The following CORO2A variants were observed in gnomAD, a reference collection of about 807,000 sequenced individuals.
CORO2A encodes the protein coronin-2A.
CORO2A carries 47 observed loss-of-function variants against 62.4 expected under a neutral mutation model. That is an observed-to-expected ratio of 0.75 (90% CI 0.60 to 0.96). The LOEUF is 0.96. Among genes scored for constraint, CORO2A ranks in the 40% least tolerant of loss-of-function variants. The pLI is 0.00. For missense variants in CORO2A, 610 were observed against 684.1 expected, an observed-to-expected ratio of 0.89 and a Z score of 1.21; for synonymous variants, 273 against 268.9, an observed-to-expected ratio of 1.02 and a Z score of -0.15.
At chr9:98,174,821 A>C (rs1828087199) in intron 1 of CORO2A, among the ~76,000 whole-genome samples, 3 of 152,088 alleles carry the variant, frequency 2.0e-5, no homozygotes, top group Admixed American at 1.3e-4. Flanking sequence ...TTCCTTTATA[A>C]ATTACCCAGT....
intron 1 of CORO2A, among the ~76,000 whole-genome samples, chr9:98,177,711 T>G (rs1828126621): frequency 6.7e-6 from 1 of 150,178 alleles, no homozygotes; most frequent in African/African-American, 2.5e-5. Flanking sequence ...TCAGGTGATC[T>G]CCAAACTTTT....
chr9:98,154,352 T>TATATATATATATATAC (rs71369555), intron 2 of CORO2A, among the ~76,000 whole-genome samples: 2,897 of 91,934 alleles, frequency 0.032, 74 homozygotes, highest in East Asian at 0.052. Context: ...TATATATATA[T>TATATATATATATATAC]ACACAAATAC....
chr9:98,144,528 G>A (rs1294943214), intron 2 of CORO2A, among the ~76,000 whole-genome samples: 1 of 152,154 alleles, frequency 6.6e-6, no homozygotes, highest in Non-Finnish European at 1.5e-5. Flanking sequence ...GCAGAGATGC[G>A]GTACTCACAA....
chr9:98,136,475 C>T (rs1303163267), intron 3 of CORO2A, among the ~76,000 whole-genome samples: 1 of 152,268 alleles, frequency 6.6e-6, no homozygotes, highest in African/African-American at 2.4e-5. Flanking sequence ...GCCTTGGCTG[C>T]CAGGTAGCTC....
chr9:98,126,775 T>TG lies in CORO2A; in HGVS notation c.1219dup (p.His407ProfsTer64). The TG allele has an allele frequency of 6.2e-7, 1 of 1,614,100 alleles. No individual in the cohort carries two copies. The highest frequency in any genetic ancestry group is 8.5e-7 in the Non-Finnish European group (1 of 1,180,022). On this transcript the variant is annotated frameshift_variant, in exon 11 of 12. Transcript: ENST00000375077. LOFTEE classifies it high-confidence loss of function. ...GATAGGTCTCTCTGCAGGCAGTGGGTGGGGTCTCAGCAGCTCAGAGCCAGG... is the reference window on the plus strand; with the variant it reads ...GATAGGTCTCTCTGCAGGCAGTGGGTGGGGGTCTCAGCAGCTCAGAGCCAGG...
intron 3 of CORO2A, among the ~76,000 whole-genome samples, 164 bp downstream of exon 3, chr9:98,137,408 C>A (rs1000457815): frequency 6.6e-6 from 1 of 152,096 alleles, no homozygotes; most frequent in Non-Finnish European, 1.5e-5. Flanking sequence ...CCTACAGCAC[C>A]AAGAATGTCT....
intron 1 of CORO2A, among the ~76,000 whole-genome samples, chr9:98,181,508 C>G (rs1383097167): frequency 2.6e-5 from 4 of 152,060 alleles, no homozygotes; most frequent in Non-Finnish European, 5.9e-5. Flanking sequence ...CATTTAGTCT[C>G]AGCCACCAAC....
At chr9:98,139,483 C>T (rs1172623038) in intron 2 of CORO2A, among the ~76,000 whole-genome samples, 2 of 152,226 alleles carry the variant, frequency 1.3e-5, no homozygotes, top group East Asian at 1.9e-4. Context: ...CAAAATTAGC[C>T]GGGCGTGGTG....
At chr9:98,131,113 T>C in intron 6 of CORO2A, 54 bp from the exon 7 acceptor site, 1 of 1,223,048 alleles carries the variant, frequency 8.2e-7, no homozygotes, top group Non-Finnish European at 1.2e-6. Flanking sequence ...GGGCCCTCAG[T>C]GGTGCTCCCG....
intron 6 of CORO2A, 84 bp downstream of exon 6, chr9:98,132,101 G>T: frequency 1.0e-6 from 1 of 998,584 alleles, no homozygotes. Context: ...GTCATAAATG[G>T]GTGTCTAAAT....
Position 98,123,915 on chromosome 9 carries a change from A to G in CORO2A, c.*859T>C, listed in dbSNP as rs747531801. On this transcript the variant is annotated 3_prime_UTR_variant, in exon 12 of 12. Transcript: ENST00000375077. ...GAAGATCCGCCCAGCTTGGCCTCCC[A>G]AAGTTCTGGGATTATAGGCGTGAAC... 4 of 150,732 alleles carry G rather than the reference A, an allele frequency of 2.7e-5. No homozygotes were observed. Among genetic ancestry groups the G allele is most frequent in the Non-Finnish European group, 5.9e-5 (4 of 67,816 alleles). The allele number at this position is 150,732 out of a possible 1,614,324, so 9.3% of individuals were successfully genotyped here.
chr9:98,177,357 T>C (rs961591797), intron 1 of CORO2A, among the ~76,000 whole-genome samples: 1 of 150,950 alleles, frequency 6.6e-6, no homozygotes, highest in Admixed American at 6.6e-5. Flanking sequence ...AATAGGGAAA[T>C]CCCTACTGGA....
At chr9:98,133,905 T>C (rs74789058) in intron 4 of CORO2A, among the ~76,000 whole-genome samples, 1,974 of 151,638 alleles carry the variant, frequency 0.013, 30 homozygotes, top group African/African-American at 0.044. Flanking sequence ...TTGACGCATT[T>C]TCCCACACCT....
intron 2 of CORO2A, among the ~76,000 whole-genome samples, chr9:98,145,855 G>A (rs1827637755): frequency 6.6e-6 from 1 of 151,764 alleles, no homozygotes; most frequent in Admixed American, 6.5e-5. Context: ...TGGGACTACA[G>A]GCATGTGCCA....
chr9:98,147,904 TTA>T lies in CORO2A; in HGVS notation c.201+9554_201+9555del, dbSNP rs147562860. On this transcript the variant is annotated intron_variant, in intron 2 of 11. Coordinates refer to ENST00000375077, the MANE Select transcript of CORO2A (RefSeq NM_052820.4). ...CCACTGGCTTTCAGTGAGTGAATGG[TTA>T]TATAAACTGTAGTGCATCCATACCA... Among the ~76,000 whole-genome samples the T allele has an allele frequency of 3.5e-3, 531 of 151,970 alleles. 1 individual carries two copies. Among genetic ancestry groups the T allele is most frequent in the African/African-American group, 0.012 (494 of 41,432 alleles).
chr9:98,182,146 A>G (rs924258551), intron 1 of CORO2A, among the ~76,000 whole-genome samples: 1 of 152,196 alleles, frequency 6.6e-6, no homozygotes, highest in Non-Finnish European at 1.5e-5. Flanking sequence ...GTGAGCCCTC[A>G]AAGGCGGGCC....
chr9:98,173,391 G>A (rs2231653), intron 1 of CORO2A, among the ~76,000 whole-genome samples: 4,928 of 152,204 alleles, frequency 0.032, 184 homozygotes, highest in African/African-American at 0.096. Context: ...GAGTGTGGCC[G>A]GGGCACTCTG....
chr9:98,155,387 C>T (rs1245416450), intron 2 of CORO2A, among the ~76,000 whole-genome samples: 1 of 140,744 alleles, frequency 7.1e-6, no homozygotes, highest in Non-Finnish European at 1.5e-5. Flanking sequence ...GGCTCTGTCA[C>T]CCAGGCTAGA....
intron 1 of CORO2A, among the ~76,000 whole-genome samples, chr9:98,191,226 G>C (rs900426764): frequency 6.6e-6 from 1 of 152,174 alleles, no homozygotes; most frequent in Non-Finnish European, 1.5e-5. Flanking sequence ...GAGGGGCTCC[G>C]GCTCTCCTCA....
Sources: allele counts gnomAD v4.1 joint callset (sites outside exome capture counted in the v4.1 genomes callset), GRCh38; gene constraint gnomAD v4.1.1; transcripts MANE v1.5; gene names NCBI Gene and HGNC (gene_info 2026-07-23, HGNC 2026-07-21).